DOCK2: variants seen among roughly 807,000 people sequenced by gnomAD.
DOCK2 encodes the protein dedicator of cytokinesis protein 2.
A neutral mutation model predicts 248.9 loss-of-function variants in DOCK2; 87 were observed. The ratio of observed to expected loss-of-function variants is 0.35; its 90% CI spans 0.29 to 0.42. The LOEUF (loss-of-function observed/expected upper bound fraction) is 0.42, where lower values mean the gene tolerates loss of function less well. Ranked by LOEUF, DOCK2 falls within the 10% of genes least tolerant of loss-of-function variation. The probability of loss-of-function intolerance (pLI) is 1.00; values close to 1 mark genes in which losing one functional copy is unlikely to be tolerated. For missense variants in DOCK2, 1,747 were observed against 2,300.2 expected (o/e 0.76, Z 4.92); for synonymous variants, 805 against 821.6 (o/e 0.98, Z 0.35).
chr5:169,937,497 G>A (rs1776045552), intron 27 of DOCK2, among the ~76,000 whole-genome samples: 3 of 152,228 alleles, frequency 2.0e-5, no homozygotes, highest in African/African-American at 4.8e-5. Context: ...CACATAGTAA[G>A]TGTTCAATAA....
At chr5:169,906,896 A>T (rs1323906440) in intron 27 of DOCK2, among the ~76,000 whole-genome samples, 2 of 152,202 alleles carry the variant, frequency 1.3e-5, no homozygotes, top group Admixed American at 6.5e-5. Context: ...GCTGGTGCTG[A>T]TGGTGCTGAG....
At chr5:169,641,104 C>T (rs1233703919) in intron 1 of DOCK2, among the ~76,000 whole-genome samples, 1 of 152,162 alleles carries the variant, frequency 6.6e-6, no homozygotes, top group African/African-American at 2.4e-5. Flanking sequence ...TCATTGTGTG[C>T]GTGTCTGTCT....
chr5:170,075,164 A>AC (rs1204516940), intron 46 of DOCK2, among the ~76,000 whole-genome samples: 1 of 152,156 alleles, frequency 6.6e-6, no homozygotes, highest in South Asian at 2.1e-4. Context: ...TTCATAATCT[A>AC]CCCCTTTGCT....
intron 26 of DOCK2, among the ~76,000 whole-genome samples, chr5:169,825,081 C>T (rs1254931794): frequency 1.3e-5 from 2 of 152,204 alleles, no homozygotes; most frequent in Non-Finnish European, 1.5e-5. Context: ...TACCATCTCA[C>T]ACCAGTTAGA....
At chr5:169,846,671 T>TAC (rs1435666476) in intron 27 of DOCK2, among the ~76,000 whole-genome samples, 4 of 151,092 alleles carry the variant, frequency 2.6e-5, no homozygotes, top group East Asian at 1.9e-4. Flanking sequence ...TATATATATA[T>TAC]ACACACACAC....
At chr5:169,739,292 A>C (rs1043063981) in intron 22 of DOCK2, among the ~76,000 whole-genome samples, 5 of 152,164 alleles carry the variant, frequency 3.3e-5, no homozygotes, top group African/African-American at 9.7e-5. Context: ...AAAAATCAGC[A>C]TCTTGATTCT....
intron 22 of DOCK2, among the ~76,000 whole-genome samples, chr5:169,744,126 G>T (rs997906055): frequency 1.3e-5 from 2 of 152,008 alleles, no homozygotes. Context: ...ATGGCTTCCT[G>T]GGATTTGTGT....
At chr5:169,939,153 C>T (rs1046755784) in intron 27 of DOCK2, among the ~76,000 whole-genome samples, 2 of 151,752 alleles carry the variant, frequency 1.3e-5, no homozygotes, top group African/African-American at 2.4e-5. Context: ...ATCCGCCCAC[C>T]TCAGCCTCCC....
intron 33 of DOCK2, among the ~76,000 whole-genome samples, chr5:170,021,628 G>A (rs1350934727): frequency 1.3e-5 from 2 of 152,128 alleles, no homozygotes; most frequent in Non-Finnish European, 2.9e-5. Context: ...ACTCCAGTGT[G>A]CATTCATTCT....
At position 170,027,887 on chromosome 5, in the gene DOCK2, C is replaced by T; in HGVS notation, c.3406C>T (p.Leu1136=). 6.2e-7 allele frequency: 1 copy of T among 1,613,160 alleles called. No homozygotes were observed. Among genetic ancestry groups the T allele is most frequent in the Non-Finnish European group, 8.5e-7 (1 of 1,179,480 alleles). The change falls in exon 34 of 52, where the codon CTG becomes TTG. Residue 1136 remains leucine, a synonymous_variant. Coordinates refer to ENST00000520908, the MANE Select transcript of DOCK2 (RefSeq NM_004946.3). ...GTTTGAAAACGAAATCATCCTGAAG[C>T]TGGACCACGAGGTAGAAGGGGGCCG... ...KKFENEIILK[L]DHEVEGGRGD...
chr5:169,691,173 G>A (rs1346944005), intron 9 of DOCK2, among the ~76,000 whole-genome samples: 3 of 152,096 alleles, frequency 2.0e-5, no homozygotes, highest in African/African-American at 7.2e-5. Flanking sequence ...CACGGGGGAG[G>A]TGCTACACAC....
At chr5:169,731,295 A>G (rs532892123) in intron 22 of DOCK2, among the ~76,000 whole-genome samples, 131 of 152,154 alleles carry the variant, frequency 8.6e-4, no homozygotes, top group Non-Finnish European at 1.5e-3. Context: ...GAGGAGCCCT[A>G]TGGGAGGTGA....
At chr5:170,029,069 G>GTC (rs906312377) in intron 34 of DOCK2, among the ~76,000 whole-genome samples, 3 of 152,154 alleles carry the variant, frequency 2.0e-5, no homozygotes, top group African/African-American at 7.2e-5. Flanking sequence ...TGGACATAAC[G>GTC]TTTACAGTTC....
intron 27 of DOCK2, among the ~76,000 whole-genome samples, chr5:169,905,088 T>C (rs1774201406): frequency 6.6e-6 from 1 of 152,168 alleles, no homozygotes; most frequent in South Asian, 2.1e-4. Context: ...TGCAGAGTGC[T>C]CAGTAAATAT....
chr5:169,696,958 T>C (rs1318813918), intron 10 of DOCK2, among the ~76,000 whole-genome samples: 1 of 152,116 alleles, frequency 6.6e-6, no homozygotes, highest in Admixed American at 6.6e-5. Flanking sequence ...TGAAATCCTC[T>C]ACTGCTCTAA....
intron 22 of DOCK2, among the ~76,000 whole-genome samples, chr5:169,724,460 G>T (rs1762363916): frequency 6.6e-6 from 1 of 152,142 alleles, no homozygotes; most frequent in African/African-American, 2.4e-5. Context: ...ACTGGTTGGG[G>T]AGAGAAAAAT....
At chr5:170,023,064 T>A (rs1380468546) in intron 33 of DOCK2, among the ~76,000 whole-genome samples, 1 of 152,160 alleles carries the variant, frequency 6.6e-6, no homozygotes, top group Non-Finnish European at 1.5e-5. Context: ...GTGTTCTGGA[T>A]GCTATTGGTG....
intron 27 of DOCK2, among the ~76,000 whole-genome samples, chr5:169,957,766 C>A (rs560815909): frequency 1.3e-5 from 2 of 152,174 alleles, no homozygotes; most frequent in African/African-American, 4.8e-5. Flanking sequence ...CTGTTCATGA[C>A]CCTGTTAGCC....
intron 27 of DOCK2, among the ~76,000 whole-genome samples, chr5:169,887,794 C>G (rs1773056396): frequency 6.6e-6 from 1 of 152,178 alleles, no homozygotes; most frequent in South Asian, 2.1e-4. Context: ...TTCGTTGATA[C>G]TACCATGTTA....
Sources: gnomAD v4.1 joint callset for allele counts (sites outside exome capture counted in the v4.1 genomes callset) on GRCh38, gnomAD v4.1.1 for gene constraint, MANE v1.5 for transcripts, NCBI Gene and HGNC (gene_info 2026-07-23, HGNC 2026-07-21) for gene names.